The following PLEKHJ1 variants were observed in gnomAD, a reference collection of about 807,000 sequenced individuals.
The protein encoded by PLEKHJ1 is pleckstrin homology domain-containing family J member 1.
PLEKHJ1 carries 20 observed loss-of-function variants against 21.7 expected under a neutral mutation model. That is an observed-to-expected ratio of 0.92 (90% CI 0.65 to 1.34). The LOEUF (loss-of-function observed/expected upper bound fraction) is 1.34, where lower values mean the gene tolerates loss of function less well. PLEKHJ1 is among the 40% of genes most tolerant of loss of function. The pLI is 0.00. For synonymous variants in PLEKHJ1, 113 were observed against 80.6 expected (o/e 1.40, Z -2.15); for missense variants, 241 against 202.0 (o/e 1.19, Z -1.17).
downstream of PLEKHJ1, chr19:2,231,984 G>A (rs565368859): frequency 3.3e-5 from 7 of 210,090 alleles, no homozygotes; most frequent in Non-Finnish European, 5.8e-5. Flanking sequence ...GGCTGCCTGC[G>A]GACACCCTCC....
At chr19:2,232,919 G>A (rs1411644848), downstream of PLEKHJ1, among the ~76,000 whole-genome samples, 1 of 152,178 alleles carries the variant, frequency 6.6e-6, no homozygotes, top group African/African-American at 2.4e-5. Context: ...CTCCGGGAGG[G>A]CCCGTGAATG....
chr19:2,230,805 C>T, downstream of PLEKHJ1: 3 of 382,616 alleles, frequency 7.8e-6, no homozygotes, highest in Non-Finnish European at 1.4e-5. Context: ...AGCCCCGACC[C>T]TAGACCCCTC....
intron 5 of PLEKHJ1, 31 bp from the exon 6 acceptor site, chr19:2,233,936 G>A (rs1294614014): frequency 6.2e-7 from 1 of 1,612,364 alleles, no homozygotes; most frequent in Admixed American, 1.7e-5. Flanking sequence ...CATGAGCCAG[G>A]GCTGGAGGAC....
chr19:2,234,333 CAA>C (rs2024720099), intron 3 of PLEKHJ1, 93 bp from the exon 4 acceptor site: 1 of 911,968 alleles, frequency 1.1e-6, no homozygotes, highest in African/African-American at 1.6e-5. Flanking sequence ...CTGGCCCCCA[CAA>C]AGATGTGTTC....
intron 3 of PLEKHJ1, 25 bp from the exon 4 acceptor site, chr19:2,234,265 G>A (rs1383723781): frequency 6.4e-7 from 1 of 1,574,736 alleles, no homozygotes; most frequent in East Asian, 2.3e-5. Context: ...CCTGTGGTCG[G>A]TCCTACCCAC....
In PLEKHJ1 at chr19:2,235,591, CAGG is replaced by C. The variant is rs1191051536; in HGVS notation, c.229+168_229+170del. 28 of 609,484 alleles carry C rather than the reference CAGG, an allele frequency of 4.6e-5. No homozygotes were observed. The East Asian group carries it at 5.2e-4, about 11-fold the overall frequency. 37.8% of individuals were successfully genotyped at this position (609,484 alleles called of 1,614,324 possible). On this transcript the variant is annotated intron_variant, in intron 3 of 5. Transcript: ENST00000326631. ...GGCAGGTGGGAAGGGTGGTGCCCGC[CAGG>C]AGAACTTGACCTTGAGCTGCCCGTG...
intron 3 of PLEKHJ1, chr19:2,235,431 A>G (rs965764091): frequency 1.9e-5 from 7 of 364,006 alleles, no homozygotes; most frequent in Non-Finnish European, 3.0e-5. Context: ...CCATATAACA[A>G]TGCTAGACCC....
At chr19:2,236,036 G>C in intron 1 of PLEKHJ1, 46 bp from the exon 2 acceptor site, 1 of 1,535,994 alleles carries the variant, frequency 6.5e-7, no homozygotes, top group Non-Finnish European at 8.7e-7. Flanking sequence ...CCCCCGCCCG[G>C]ACCCCGGCCT....
At chr19:2,232,345 C>CCG (rs2024641024), downstream of PLEKHJ1, 1 of 212,778 alleles carries the variant, frequency 4.7e-6, no homozygotes, top group Non-Finnish European at 9.5e-6. Context: ...CCCCACCCCC[C>CCG]GCCGACTGCC....
chr19:2,231,691 G>A (rs184630981), downstream of PLEKHJ1: 318 of 213,670 alleles, frequency 1.5e-3, no homozygotes, highest in African/African-American at 6.7e-3. Flanking sequence ...GCTCTGTGTC[G>A]CCACGGGCCG....
downstream of PLEKHJ1, chr19:2,232,016 GTTC>G (rs567201519): frequency 6.0e-4 from 125 of 208,214 alleles, 1 homozygote; most frequent in South Asian, 0.022. Flanking sequence ...CTGGGCCTGT[GTTC>G]TTCTCAGACA....
In PLEKHJ1 at chr19:2,236,314, C is replaced by T. The variant is rs994432728; in HGVS notation, c.-66G>A. 2 of 1,082,490 alleles carry T rather than the reference C, an allele frequency of 1.8e-6. No individual in the cohort carries two copies. The highest frequency in any genetic ancestry group is 2.4e-6 in the Non-Finnish European group (2 of 824,658). 67.1% of individuals were successfully genotyped at this position (1,082,490 alleles called of 1,614,324 possible). A position where few individuals can be genotyped will look rare whatever the true frequency, so the allele number is the denominator to read the frequency against. ...CCGCCGTCCCCGCTCAGGCTGGGGC[C>T]GGCGCCAAAAATGTCTCAGGGCGCA... On this transcript the variant is annotated 5_prime_UTR_variant, in exon 1 of 6. Coordinates refer to ENST00000326631, the MANE Select transcript of PLEKHJ1 (RefSeq NM_018049.3).
At position 2,235,752 on chromosome 19, in the gene PLEKHJ1, C is replaced by A; in HGVS notation, c.229+10G>T. On this transcript the variant is annotated intron_variant, in intron 3 of 5. Transcript: ENST00000326631. ...CGGGAAGCGCCGCTGGCTTCCCTAG[C>A]CCCACTCACTGATGGAGAAGGTGCC... The A allele has an allele frequency of 6.5e-7, 1 of 1,547,704 alleles. No individual in the cohort carries two copies. The highest frequency in any genetic ancestry group is 8.7e-7 in the Non-Finnish European group (1 of 1,145,898).
At chr19:2,236,108 C>T (rs2024805210) in intron 1 of PLEKHJ1, 47 bp downstream of exon 1, 4 of 1,413,242 alleles carry the variant, frequency 2.8e-6, no homozygotes, top group Non-Finnish European at 3.7e-6. Context: ...ACCCCGGCCC[C>T]GGCCTCCCGC....
Position 2,233,526 on chromosome 19 carries a change from C to T in PLEKHJ1, c.*314G>A. 1 of 461,832 alleles carries T rather than the reference C, an allele frequency of 2.2e-6. No individual in the cohort carries two copies. 28.6% of individuals were successfully genotyped at this position (461,832 alleles called of 1,614,324 possible). ...TCATAAAATGCAGCCCCTGCCCACA[C>T]CCACCTGGCTTCAGGCTTTGGATGT... On this transcript the variant is annotated 3_prime_UTR_variant, in exon 6 of 6. Coordinates refer to ENST00000326631, the MANE Select transcript of PLEKHJ1 (RefSeq NM_018049.3).
intron 5 of PLEKHJ1, 23 bp from the exon 6 acceptor site, chr19:2,233,928 T>A: frequency 6.2e-7 from 1 of 1,612,654 alleles, no homozygotes; most frequent in African/African-American, 1.3e-5. Context: ...CGGGTGGCCA[T>A]GAGCCAGGGC....
chr19:2,234,506 T>A (rs1015484497), intron 3 of PLEKHJ1: 10 of 426,760 alleles, frequency 2.3e-5, no homozygotes, highest in Non-Finnish European at 3.8e-5. Flanking sequence ...AGCTCAGGAG[T>A]TCGAGACCAG....
intron 3 of PLEKHJ1, chr19:2,234,650 A>G (rs2024736084): frequency 9.7e-6 from 2 of 205,448 alleles, no homozygotes; most frequent in Admixed American, 1.1e-4. Context: ...TTGAGGCTGC[A>G]GTGAGCTGTG....
downstream of PLEKHJ1, chr19:2,230,081 T>C: frequency 1.7e-6 from 1 of 597,672 alleles, no homozygotes; most frequent in Non-Finnish European, 2.9e-6. Context: ...GAAATATAAA[T>C]ATCTATATAT....
Sources: gnomAD v4.1 joint callset for allele counts (sites outside exome capture counted in the v4.1 genomes callset) on GRCh38, gnomAD v4.1.1 for gene constraint, MANE v1.5 for transcripts, NCBI Gene and HGNC (gene_info 2026-07-23, HGNC 2026-07-21) for gene names.